DPY19L1: variants seen among roughly 807,000 people sequenced by gnomAD.
The protein encoded by DPY19L1 is dpy-19 like C-mannosyltransferase 1.
DPY19L1 carries 35 observed loss-of-function variants against 96.9 expected under a neutral mutation model. The observed-to-expected ratio is 0.36, with a 90% CI of 0.28 to 0.48. The LOEUF (loss-of-function observed/expected upper bound fraction) is 0.48, where lower values mean the gene tolerates loss of function less well. DPY19L1 is among the 20% of genes least tolerant of loss of function. The pLI is 0.99. For synonymous variants in DPY19L1, 205 were observed against 252.6 expected (o/e 0.81, Z 1.79); for missense variants, 521 against 777.9 (o/e 0.67, Z 3.93).
At chr7:35,002,125 CAAAA>C (rs548044939) in intron 6 of DPY19L1, among the ~76,000 whole-genome samples, 1 of 47,092 alleles carries the variant, frequency 2.1e-5, no homozygotes. Context: ...GACTCCAGCT[CAAAA>C]AAAAAAAAAA....
intron 1 of DPY19L1, among the ~76,000 whole-genome samples, chr7:35,032,084 T>C (rs1339255434): frequency 6.6e-6 from 1 of 152,184 alleles, no homozygotes; most frequent in African/African-American, 2.4e-5. Flanking sequence ...TTGTTGTTCC[T>C]GTATCTCTAA....
intron 1 of DPY19L1, among the ~76,000 whole-genome samples, chr7:35,033,440 G>A (rs1465204574): frequency 6.6e-6 from 1 of 152,112 alleles, no homozygotes; most frequent in Non-Finnish European, 1.5e-5. Context: ...CCACCAACTA[G>A]CATCTGGCTT....
intron 1 of DPY19L1, among the ~76,000 whole-genome samples, chr7:35,033,062 G>T (rs1003293285): frequency 6.6e-6 from 1 of 152,116 alleles, no homozygotes; most frequent in African/African-American, 2.4e-5. Context: ...CTCCTGTTGA[G>T]CATTCCTCAA....
At position 34,973,614 on chromosome 7, in the gene DPY19L1, A is replaced by C; in HGVS notation, c.823-9T>G. On this transcript the variant is annotated splice_polypyrimidine_tract_variant and intron_variant, in intron 7 of 21. Coordinates refer to ENST00000638088, the MANE Select transcript of DPY19L1 (RefSeq NM_001366673.1). ...CACATTACACGGGTACACTGAAAAA[A>C]AAAATTTGTAGTATAGTATACTTGC... 1 of 1,422,892 alleles carries C rather than the reference A, an allele frequency of 7.0e-7. No individual in the cohort carries two copies. Among genetic ancestry groups the C allele is most frequent in the Non-Finnish European group, 9.2e-7 (1 of 1,081,764 alleles). The allele number at this position is 1,422,892 out of a possible 1,614,324, so 88.1% of individuals were successfully genotyped here.
intron 7 of DPY19L1, among the ~76,000 whole-genome samples, chr7:34,988,918 T>C (rs1429404930): frequency 6.6e-6 from 1 of 152,212 alleles, no homozygotes; most frequent in African/African-American, 2.4e-5. Flanking sequence ...TGCCAAACAC[T>C]GCTCTAGGCA....
intron 6 of DPY19L1, among the ~76,000 whole-genome samples, chr7:35,001,301 A>T (rs1785421565): frequency 6.6e-6 from 1 of 152,160 alleles, no homozygotes; most frequent in South Asian, 2.1e-4. Context: ...TGTGATAGAT[A>T]ATATGTTTTT....
intron 7 of DPY19L1, among the ~76,000 whole-genome samples, chr7:34,983,009 A>C (rs1169134977): frequency 1.3e-5 from 2 of 152,236 alleles, no homozygotes; most frequent in Non-Finnish European, 2.9e-5. Context: ...AAAGTTGGAG[A>C]CTGAGACAAA....
intron 13 of DPY19L1, among the ~76,000 whole-genome samples, chr7:34,951,352 A>G (rs1584211723): frequency 6.6e-6 from 1 of 152,112 alleles, no homozygotes; most frequent in Non-Finnish European, 1.5e-5. Context: ...CCTTGAACAC[A>G]AGTGAAATAT....
intron 16 of DPY19L1, among the ~76,000 whole-genome samples, chr7:34,943,230 A>G (rs1784064674): frequency 6.6e-6 from 1 of 152,238 alleles, no homozygotes; most frequent in South Asian, 2.1e-4. Context: ...AAAGACTGAT[A>G]TATTAGCAAA....
chr7:34,946,531 T>G (rs935934353), intron 15 of DPY19L1, among the ~76,000 whole-genome samples: 2 of 152,270 alleles, frequency 1.3e-5, no homozygotes, highest in African/African-American at 2.4e-5. Flanking sequence ...CTTTTGCATA[T>G]GTTCTGGATG....
intron 10 of DPY19L1, among the ~76,000 whole-genome samples, chr7:34,964,152 A>AT (rs956606454): frequency 2.6e-5 from 4 of 152,040 alleles, no homozygotes; most frequent in South Asian, 2.1e-4. Flanking sequence ...AATTCTATAT[A>AT]TTTTTTTCTT....
In DPY19L1 at chr7:35,037,466, C is replaced by A; in HGVS notation, c.-72G>T. ...AGAGAACGGCGGGCTGGCTGGGCGG[C>A]TGGGCGCAGCTCACTCTCCAGCGGG... On this transcript the variant is annotated 5_prime_UTR_variant, in exon 1 of 22. Transcript: ENST00000638088. 3.2e-6 allele frequency: 1 copy of A among 310,272 alleles called. No individual in the cohort carries two copies. Among genetic ancestry groups the A allele is most frequent in the Non-Finnish European group, 5.9e-6 (1 of 169,012 alleles). The allele number at this position is 310,272 out of a possible 1,614,324, so 19.2% of individuals were successfully genotyped here.
intron 10 of DPY19L1, among the ~76,000 whole-genome samples, chr7:34,961,729 A>C (rs959975368): frequency 2.0e-5 from 3 of 152,242 alleles, no homozygotes; most frequent in African/African-American, 7.2e-5. Flanking sequence ...GACACATCTG[A>C]TAAGGGACTG....
At position 34,992,765 on chromosome 7, in the gene DPY19L1, C is replaced by T. The variant is rs747144445; in HGVS notation, c.765-2824G>A. ...CTGTGTTGTTTTACTTTGCTTAGAT[C>T]AGACTATAGAAAACCCATCATTATT... On this transcript the variant is annotated intron_variant, in intron 6 of 21. Transcript: ENST00000638088. Among the ~76,000 whole-genome samples, 37 of 151,678 alleles carry T rather than the reference C, an allele frequency of 2.4e-4. 1 individual carries two copies. The highest frequency in any genetic ancestry group is 1.7e-3 in the South Asian group (8 of 4,802).
chr7:34,934,538 C>T (rs1783825191), intron 21 of DPY19L1, among the ~76,000 whole-genome samples: 1 of 152,154 alleles, frequency 6.6e-6, no homozygotes, highest in Admixed American at 6.5e-5. Context: ...GCAGAGCTCC[C>T]TTCTGCAAAC....
rs1229968996 is a variant in DPY19L1, at chr7:34,931,668, G to A, written c.2152C>T (p.Pro718Ser). The A allele has an allele frequency of 1.3e-6, 2 of 1,598,020 alleles. No individual in the cohort carries two copies. Residue 718 changes from proline to serine, a missense_variant, in exon 22 of 22, where the codon CCC (proline) becomes TCC (serine). Pro to Ser is a moderately conservative substitution (Grantham distance 74). Transcript: ENST00000638088. Reference sequence around the variant, plus strand: ...TCCTTCACCAAGAGGTTACATAAGGGAGTTTTCCCAGCATTGGCAGGATCT... The same window carrying A: ...TCCTTCACCAAGAGGTTACATAAGGAAGTTTTCCCAGCATTGGCAGGATCT... Reference protein sequence around the residue: ...VEDPANAGKTPLCNLLVKDSK... With the variant: ...VEDPANAGKTSLCNLLVKDSK...
At chr7:34,945,385 T>G (rs1784122944) in intron 16 of DPY19L1, among the ~76,000 whole-genome samples, 1 of 152,234 alleles carries the variant, frequency 6.6e-6, no homozygotes, top group African/African-American at 2.4e-5. Flanking sequence ...TAATTTACTT[T>G]CCCTGCTGAA....
At chr7:34,944,543 T>C (rs912603116) in intron 16 of DPY19L1, among the ~76,000 whole-genome samples, 1 of 152,198 alleles carries the variant, frequency 6.6e-6, no homozygotes, top group African/African-American at 2.4e-5. Context: ...GGATCATTTC[T>C]ATGCACAAAC....
intron 16 of DPY19L1, 85 bp from the exon 17 acceptor site, chr7:34,942,724 G>T: frequency 8.8e-7 from 1 of 1,133,644 alleles, no homozygotes; most frequent in African/African-American, 1.6e-5. Context: ...GCAAACAGGA[G>T]TTTTACAACT....
Sources: allele counts gnomAD v4.1 joint callset (sites outside exome capture counted in the v4.1 genomes callset), GRCh38; gene constraint gnomAD v4.1.1; transcripts MANE v1.5; gene names NCBI Gene and HGNC (gene_info 2026-07-23, HGNC 2026-07-21).